UTS2: variants seen among roughly 807,000 people sequenced by gnomAD.
The protein encoded by UTS2 is urotensin 2.
Under a neutral mutation model 12.6 loss-of-function variants are expected in UTS2, and 10 were observed. The observed-to-expected ratio is 0.80, with a 90% CI of 0.49 to 1.35. The LOEUF is 1.35. Ranked by LOEUF, UTS2 falls within the 40% of genes most tolerant of loss-of-function variation. UTS2 has a pLI of 0.00. For synonymous variants in UTS2, 52 were observed against 50.0 expected (o/e 1.04, Z -0.17); for missense variants, 142 against 143.2 (o/e 0.99, Z 0.04).
At chr1:7,863,003 G>A in the UTS2 span, among the ~76,000 whole-genome samples, 2 of 19,714 alleles carry the variant, frequency 1.0e-4, no homozygotes, top group Non-Finnish European at 2.4e-4. Flanking sequence ...GTATTGTATT[G>A]TATTGTATTG....
Position 7,847,699 on chromosome 1 carries a change from G to T in UTS2, c.*67C>A. ...TTTCTCCACACTGTTTTCAAATCAA[G>T]CATTGTGTTATTTTTCATATTCTAA... On this transcript the variant is annotated 3_prime_UTR_variant, in exon 4 of 4. Transcript: ENST00000361696. The T allele has an allele frequency of 8.0e-7, 1 of 1,245,120 alleles. No homozygotes were observed. Among genetic ancestry groups the T allele is most frequent in the Non-Finnish European group, 1.2e-6 (1 of 861,704 alleles). 77.1% of individuals were successfully genotyped at this position (1,245,120 alleles called of 1,614,324 possible).
At chr1:7,904,115 A>G in the UTS2 span, among the ~76,000 whole-genome samples, 1 of 152,052 alleles carries the variant, frequency 6.6e-6, no homozygotes, top group African/African-American at 2.4e-5. Context: ...TGATTTAATT[A>G]TAACCTAATT....
the UTS2 span, among the ~76,000 whole-genome samples, chr1:7,877,872 T>TA: frequency 4.3e-4 from 64 of 147,954 alleles, no homozygotes; most frequent in East Asian, 2.8e-3. Flanking sequence ...GACTCTGTCT[T>TA]AAAAAAAAAA....
chr1:7,906,059 G>A, the UTS2 span, among the ~76,000 whole-genome samples: 2 of 152,120 alleles, frequency 1.3e-5, no homozygotes, highest in African/African-American at 2.4e-5. Flanking sequence ...AACTGCTGCT[G>A]TAATATAATG....
At chr1:7,906,980 G>A in the UTS2 span, among the ~76,000 whole-genome samples, 1 of 152,184 alleles carries the variant, frequency 6.6e-6, no homozygotes, top group South Asian at 2.1e-4. Flanking sequence ...GCTGCACGCA[G>A]TGGCTCACGC....
chr1:7,860,939 G>A, the UTS2 span, among the ~76,000 whole-genome samples: 1 of 151,646 alleles, frequency 6.6e-6, no homozygotes, highest in African/African-American at 2.4e-5. Context: ...CTACTCGGGA[G>A]GCTGAGGTAT....
At chr1:7,863,038 G>GTATTGTATTGTATTGTATTGTATTGTATT in the UTS2 span, among the ~76,000 whole-genome samples, 1 of 27,792 alleles carries the variant, frequency 3.6e-5, no homozygotes, top group African/African-American at 1.0e-4. Context: ...GTATTGTATT[G>GTATTGTATTGTATTGTATTGTATTGTATT]TATTGTATTG....
chr1:7,859,549 G>A, the UTS2 span, among the ~76,000 whole-genome samples: 1 of 152,226 alleles, frequency 6.6e-6, no homozygotes, highest in Middle Eastern at 3.2e-3. Context: ...CCAGGCAGAC[G>A]GAACAGTGAG....
At chr1:7,867,497 G>A in the UTS2 span, among the ~76,000 whole-genome samples, 1 of 152,210 alleles carries the variant, frequency 6.6e-6, no homozygotes, top group East Asian at 1.9e-4. Flanking sequence ...AGGACCATGT[G>A]AAGACGCAAG....
At chr1:7,893,816 A>G in the UTS2 span, among the ~76,000 whole-genome samples, 4 of 152,140 alleles carry the variant, frequency 2.6e-5, no homozygotes, top group Non-Finnish European at 5.9e-5. Flanking sequence ...ATTCACTTAC[A>G]ACCCACTAAA....
At chr1:7,864,879 G>A in the UTS2 span, among the ~76,000 whole-genome samples, 2 of 152,000 alleles carry the variant, frequency 1.3e-5, no homozygotes, top group African/African-American at 4.8e-5. Flanking sequence ...TCTTGGCCCC[G>A]ATACCGTCTT....
chr1:7,904,095 A>AT, the UTS2 span, among the ~76,000 whole-genome samples: 1 of 152,130 alleles, frequency 6.6e-6, no homozygotes, highest in Non-Finnish European at 1.5e-5. Context: ...ATCTTACAAT[A>AT]TTTTTTCATT....
At chr1:7,895,940 C>T in the UTS2 span, among the ~76,000 whole-genome samples, 18 of 152,272 alleles carry the variant, frequency 1.2e-4, no homozygotes, top group Middle Eastern at 6.8e-3. Flanking sequence ...CAAGCCAGTG[C>T]TGGATATGCT....
chr1:7,890,972 C>CCCA, the UTS2 span, among the ~76,000 whole-genome samples: 1 of 151,198 alleles, frequency 6.6e-6, no homozygotes, highest in Non-Finnish European at 1.5e-5. Flanking sequence ...CCTCCACCCC[C>CCCA]CCCCACAAAA....
the UTS2 span, among the ~76,000 whole-genome samples, chr1:7,867,278 G>A: frequency 2.6e-5 from 4 of 152,178 alleles, no homozygotes; most frequent in South Asian, 2.1e-4. Flanking sequence ...GTCATGCACC[G>A]AATTGTGTTG....
At chr1:7,855,089 A>G (rs971994154), upstream of UTS2, among the ~76,000 whole-genome samples, 5 of 151,964 alleles carry the variant, frequency 3.3e-5, no homozygotes, top group African/African-American at 9.7e-5. Context: ...TGAACCTGGG[A>G]GGCAGAGGTT....
the UTS2 span, among the ~76,000 whole-genome samples, chr1:7,875,141 C>G: frequency 6.6e-6 from 1 of 151,584 alleles, no homozygotes; most frequent in African/African-American, 2.4e-5. Context: ...GTGGCGCGAT[C>G]TAGGCTCACT....
At chr1:7,881,826 A>G in the UTS2 span, among the ~76,000 whole-genome samples, 1 of 152,216 alleles carries the variant, frequency 6.6e-6, no homozygotes, top group Non-Finnish European at 1.5e-5. Flanking sequence ...AGCCAAAGCA[A>G]TGCTGAGCAA....
In UTS2 at chr1:7,850,904, C is replaced by T. The variant is rs770384435; in HGVS notation, c.122G>A (p.Arg41His). The T allele has an allele frequency of 9.7e-5, 157 of 1,614,002 alleles. 1 individual carries two copies. Among genetic ancestry groups the T allele is most frequent in the East Asian group, 1.3e-4 (6 of 44,888 alleles). Residue 41 changes from arginine to histidine, a missense_variant, in exon 2 of 4, where the codon CGC (arginine) becomes CAC (histidine). Arg to His is a conservative substitution (Grantham distance 29). Transcript: ENST00000361696. The stretch of plus-strand genomic sequence containing the variant: ...TCTTTCTAGCTCCTCCGGAGTTAAG[C>T]GCGCGTCTTCATGAGGTGCTACAGA... The part of the protein sequence containing the change: ...FQLSAPHEDA[R>H]LTPEELERAS...
Sources: allele counts gnomAD v4.1 joint callset (sites outside exome capture counted in the v4.1 genomes callset), GRCh38; gene constraint gnomAD v4.1.1; transcripts MANE v1.5; gene names NCBI Gene and HGNC (gene_info 2026-07-23, HGNC 2026-07-21).